PTPRG: variants seen among roughly 807,000 people sequenced by gnomAD.
The protein encoded by PTPRG is receptor-type tyrosine-protein phosphatase gamma.
In PTPRG, 102 loss-of-function variants were observed where a neutral mutation model predicts 165.3. That is an observed-to-expected ratio of 0.62 (90% CI 0.53 to 0.73). The LOEUF is 0.73. Among genes scored for constraint, PTPRG ranks in the 30% least tolerant of loss-of-function variants. The probability of loss-of-function intolerance (pLI) is 0.00; values close to 1 mark genes in which losing one functional copy is unlikely to be tolerated. For synonymous variants in PTPRG, 675 were observed against 669.5 expected (o/e 1.01, Z -0.13); for missense variants, 1,866 against 1,861.4 (o/e 1.00, Z -0.05).
intron 5 of PTPRG, among the ~76,000 whole-genome samples, chr3:62,126,277 A>G (rs552017337): frequency 6.6e-6 from 1 of 152,318 alleles, no homozygotes; most frequent in East Asian, 1.9e-4. Flanking sequence ...GGTCAGTTTA[A>G]GTAGATCAAA....
chr3:62,039,408 A>T (rs1361313312), intron 4 of PTPRG, among the ~76,000 whole-genome samples: 1 of 152,090 alleles, frequency 6.6e-6, no homozygotes, highest in Non-Finnish European at 1.5e-5. Context: ...TTTTCATGCA[A>T]CAGGGGGAAA....
chr3:61,687,455 T>A (rs774069001), intron 1 of PTPRG, among the ~76,000 whole-genome samples: 2 of 152,232 alleles, frequency 1.3e-5, no homozygotes, highest in Non-Finnish European at 2.9e-5. Context: ...GTAAATGGAC[T>A]TTGGGGCTGT....
intron 2 of PTPRG, among the ~76,000 whole-genome samples, chr3:61,857,909 T>A (rs930647266): frequency 3.9e-5 from 6 of 152,130 alleles, no homozygotes; most frequent in Non-Finnish European, 8.8e-5. Context: ...TCTCCTCTGA[T>A]ATTTAGCAAC....
chr3:61,623,597 G>C (rs1701524106), intron 1 of PTPRG, among the ~76,000 whole-genome samples: 1 of 152,132 alleles, frequency 6.6e-6, no homozygotes, highest in South Asian at 2.1e-4. Flanking sequence ...CTTTAGCTTT[G>C]CAACAGACTA....
At chr3:61,630,644 T>A (rs1701748322) in intron 1 of PTPRG, among the ~76,000 whole-genome samples, 1 of 152,196 alleles carries the variant, frequency 6.6e-6, no homozygotes, top group South Asian at 2.1e-4. Flanking sequence ...TGTTTGTGGT[T>A]TAGCATGGTT....
At chr3:61,910,740 T>A (rs2038780506) in intron 2 of PTPRG, among the ~76,000 whole-genome samples, 1 of 152,158 alleles carries the variant, frequency 6.6e-6, no homozygotes, top group Non-Finnish European at 1.5e-5. Context: ...TGCTGTTGAT[T>A]CCCACCTGCT....
intron 4 of PTPRG, among the ~76,000 whole-genome samples, chr3:62,059,144 A>T (rs9843205): frequency 0.43 from 65,831 of 152,068 alleles, 15,029 homozygotes; most frequent in Middle Eastern, 0.55. Context: ...TCCCTTTCCC[A>T]GTCTTTAAAA....
intron 5 of PTPRG, among the ~76,000 whole-genome samples, chr3:62,114,579 C>T (rs539689246): frequency 6.6e-6 from 1 of 152,266 alleles, no homozygotes; most frequent in Non-Finnish European, 1.5e-5. Flanking sequence ...AGTTATGTAA[C>T]AGAGTCAGTA....
intron 1 of PTPRG, among the ~76,000 whole-genome samples, chr3:61,611,285 T>A (rs2106873305): frequency 6.6e-6 from 1 of 152,294 alleles, no homozygotes; most frequent in Non-Finnish European, 1.5e-5. Context: ...TCTCCTTACC[T>A]GGAATAAGGT....
chr3:61,671,531 G>T (rs1702987046), intron 1 of PTPRG, among the ~76,000 whole-genome samples: 3 of 148,800 alleles, frequency 2.0e-5, no homozygotes, highest in Admixed American at 2.0e-4. Flanking sequence ...AGTCTCCCAT[G>T]TCTACCTCTT....
At chr3:61,766,353 C>T (rs568764488) in intron 2 of PTPRG, among the ~76,000 whole-genome samples, 1 of 152,098 alleles carries the variant, frequency 6.6e-6, no homozygotes, top group Non-Finnish European at 1.5e-5. Flanking sequence ...TTCTCACATC[C>T]CAGACTAATT....
chr3:61,987,687 A>G (rs922976641), intron 2 of PTPRG, among the ~76,000 whole-genome samples: 3 of 148,660 alleles, frequency 2.0e-5, no homozygotes, highest in African/African-American at 7.9e-5. Flanking sequence ...TGGATTTACA[A>G]ACTCAATTGT....
intron 1 of PTPRG, among the ~76,000 whole-genome samples, chr3:61,567,207 C>G (rs1433077238): frequency 6.6e-6 from 1 of 152,086 alleles, no homozygotes; most frequent in Non-Finnish European, 1.5e-5. Context: ...TACACTGCTC[C>G]CCACCTTTAA....
chr3:61,796,147 G>T (rs2035037810), intron 2 of PTPRG, among the ~76,000 whole-genome samples: 1 of 152,146 alleles, frequency 6.6e-6, no homozygotes, highest in Non-Finnish European at 1.5e-5. Context: ...GTGTCTCTAG[G>T]AGTCAAGGGA....
intron 1 of PTPRG, among the ~76,000 whole-genome samples, chr3:61,736,732 G>C (rs1412941093): frequency 6.6e-6 from 1 of 152,152 alleles, no homozygotes; most frequent in African/African-American, 2.4e-5. Context: ...GGATCGGAGT[G>C]AGGAGCCACT....
At chr3:61,775,387 T>C (rs993800856) in intron 2 of PTPRG, among the ~76,000 whole-genome samples, 1 of 152,148 alleles carries the variant, frequency 6.6e-6, no homozygotes, top group Non-Finnish European at 1.5e-5. Context: ...ATAAAATCCT[T>C]TCAGTAATTT....
intron 2 of PTPRG, among the ~76,000 whole-genome samples, chr3:61,826,864 C>T (rs2036128787): frequency 6.9e-6 from 1 of 144,922 alleles, no homozygotes; most frequent in South Asian, 2.2e-4. Flanking sequence ...TATGTGGTGG[C>T]AAAACCTAAC....
At chr3:62,031,424 A>G (rs922965636) in intron 4 of PTPRG, among the ~76,000 whole-genome samples, 2 of 152,224 alleles carry the variant, frequency 1.3e-5, no homozygotes, top group Admixed American at 6.5e-5. Flanking sequence ...CATTTGCAGA[A>G]GTCTCGGATG....
intron 1 of PTPRG, among the ~76,000 whole-genome samples, chr3:61,591,430 G>A (rs1402704260): frequency 6.6e-6 from 1 of 152,216 alleles, no homozygotes; most frequent in African/African-American, 2.4e-5. Flanking sequence ...GGCCAAGTTT[G>A]TATGAATCCA....
Sources: gnomAD v4.1 joint callset for allele counts (sites outside exome capture counted in the v4.1 genomes callset) on GRCh38, gnomAD v4.1.1 for gene constraint, MANE v1.5 for transcripts, NCBI Gene and HGNC (gene_info 2026-07-23, HGNC 2026-07-21) for gene names.